MAF: variants seen among roughly 807,000 people sequenced by gnomAD.
The protein encoded by MAF is transcription factor Maf.
Under a neutral mutation model 22.0 loss-of-function variants are expected in MAF, and 10 were observed. The observed-to-expected ratio is 0.45, with a 90% CI of 0.28 to 0.77. The LOEUF (loss-of-function observed/expected upper bound fraction) is 0.77, where lower values mean the gene tolerates loss of function less well. Among genes scored for constraint, MAF ranks in the 30% least tolerant of loss-of-function variants. The probability of loss-of-function intolerance (pLI) is 0.12; values close to 1 mark genes in which losing one functional copy is unlikely to be tolerated. For synonymous variants in MAF, 337 were observed against 255.8 expected (o/e 1.32, Z -3.03); for missense variants, 544 against 548.4 (o/e 0.99, Z 0.08).
the MAF span, among the ~76,000 whole-genome samples, chr16:79,468,365 T>C: frequency 0.013 from 1,919 of 152,340 alleles, 47 homozygotes; most frequent in African/African-American, 0.044. Flanking sequence ...ACTAAAATGC[T>C]GACTCTGCTT....
the MAF span, among the ~76,000 whole-genome samples, chr16:79,505,272 A>G: frequency 6.6e-6 from 1 of 152,194 alleles, no homozygotes. Context: ...AATCCTGATT[A>G]TGGATTTCAT....
At chr16:79,446,753 A>T in the MAF span, among the ~76,000 whole-genome samples, 3 of 151,994 alleles carry the variant, frequency 2.0e-5, no homozygotes, top group Non-Finnish European at 4.4e-5. Context: ...TCTCTAAAAA[A>T]AAAAAATTAG....
chr16:79,231,140 T>A, the MAF span, among the ~76,000 whole-genome samples: 38 of 152,172 alleles, frequency 2.5e-4, 1 homozygote, highest in African/African-American at 7.2e-4. Context: ...ACAGCCACGA[T>A]ACTGTCTCCA....
the MAF span, among the ~76,000 whole-genome samples, chr16:79,262,098 G>A: frequency 1.3e-5 from 2 of 152,150 alleles, no homozygotes; most frequent in Non-Finnish European, 2.9e-5. Flanking sequence ...GCTAATATTT[G>A]GAGAGTCCCT....
the MAF span, among the ~76,000 whole-genome samples, chr16:79,520,748 G>A: frequency 1.3e-5 from 2 of 152,126 alleles, no homozygotes; most frequent in Non-Finnish European, 2.9e-5. Context: ...ACCTGCTAGA[G>A]TGTATTTCTG....
At chr16:79,256,593 T>C in the MAF span, among the ~76,000 whole-genome samples, 1 of 152,036 alleles carries the variant, frequency 6.6e-6, no homozygotes, top group South Asian at 2.1e-4. Flanking sequence ...TGATAAGACG[T>C]CCCCAGCATG....
chr16:79,516,904 C>T, the MAF span, among the ~76,000 whole-genome samples: 5 of 152,126 alleles, frequency 3.3e-5, no homozygotes, highest in African/African-American at 4.8e-5. Flanking sequence ...CTTTTTCATA[C>T]GATTTCTTTA....
chr16:79,241,166 G>A, the MAF span, among the ~76,000 whole-genome samples: 1 of 152,028 alleles, frequency 6.6e-6, no homozygotes, highest in Non-Finnish European at 1.5e-5. Flanking sequence ...CCCCAGCAAG[G>A]GAACAAAACT....
the MAF span, among the ~76,000 whole-genome samples, chr16:79,480,537 C>T: frequency 6.6e-6 from 1 of 152,098 alleles, no homozygotes. Flanking sequence ...GCCATTCGAG[C>T]TGGGCTTCCC....
the MAF span, among the ~76,000 whole-genome samples, chr16:79,503,362 A>G: frequency 4.6e-5 from 7 of 152,310 alleles, no homozygotes; most frequent in South Asian, 1.4e-3. Flanking sequence ...TAAAATTTTT[A>G]TTTACAAGGA....
the MAF span, among the ~76,000 whole-genome samples, chr16:79,274,623 GC>G: frequency 6.6e-6 from 1 of 152,140 alleles, no homozygotes; most frequent in African/African-American, 2.4e-5. Flanking sequence ...CATAGTCCAG[GC>G]TTTTGTGGAC....
the MAF span, among the ~76,000 whole-genome samples, chr16:79,406,299 G>A: frequency 1.3e-5 from 2 of 152,338 alleles, no homozygotes; most frequent in Middle Eastern, 3.4e-3. Context: ...ACGTCCCCAA[G>A]GAGCATAGGA....
At chr16:79,241,542 G>A in the MAF span, among the ~76,000 whole-genome samples, 10 of 152,090 alleles carry the variant, frequency 6.6e-5, no homozygotes, top group South Asian at 2.1e-4. Context: ...ATGGGACTAT[G>A]TGAAAAGACC....
At chr16:79,583,460 G>A (rs182096664), downstream of MAF, among the ~76,000 whole-genome samples, 174 of 152,226 alleles carry the variant, frequency 1.1e-3, 1 homozygote, top group African/African-American at 4.0e-3. Context: ...CTACAAATGG[G>A]CCTCTCCCCT....
chr16:79,395,169 G>T, the MAF span, among the ~76,000 whole-genome samples: 1 of 152,138 alleles, frequency 6.6e-6, no homozygotes, highest in African/African-American at 2.4e-5. Flanking sequence ...TGGGACACGT[G>T]TTTTGCGATG....
chr16:79,400,111 G>C, the MAF span, among the ~76,000 whole-genome samples: 1 of 152,162 alleles, frequency 6.6e-6, no homozygotes, highest in African/African-American at 2.4e-5. Context: ...CTCCAGGACA[G>C]GGTAGTTGCT....
the MAF span, among the ~76,000 whole-genome samples, chr16:79,506,699 G>C: frequency 6.6e-6 from 1 of 152,204 alleles, no homozygotes; most frequent in Non-Finnish European, 1.5e-5. Flanking sequence ...TGTGCATGGT[G>C]CACCTAGAGG....
the MAF span, among the ~76,000 whole-genome samples, chr16:79,541,857 T>G: frequency 6.6e-6 from 1 of 152,006 alleles, no homozygotes; most frequent in Non-Finnish European, 1.5e-5. Context: ...GGTTTTACCA[T>G]GTTGGCCAGA....
At chr16:79,368,438 G>C in the MAF span, among the ~76,000 whole-genome samples, 3 of 152,118 alleles carry the variant, frequency 2.0e-5, no homozygotes, top group African/African-American at 7.2e-5. Flanking sequence ...ATTTTACAGA[G>C]TGATCCATCT....
Sources: allele counts gnomAD v4.1 joint callset (sites outside exome capture counted in the v4.1 genomes callset), GRCh38; gene constraint gnomAD v4.1.1; transcripts MANE v1.5; gene names NCBI Gene and HGNC (gene_info 2026-07-23, HGNC 2026-07-21).